CNKSR2: variants seen among roughly 807,000 people sequenced by gnomAD.
CNKSR2 encodes connector enhancer of kinase suppressor of Ras 2.
Under a neutral mutation model 84.4 loss-of-function variants are expected in CNKSR2, and 14 were observed. The observed-to-expected ratio is 0.17, with a 90% confidence interval of 0.11 to 0.26. The LOEUF is 0.26. Among genes scored for constraint, CNKSR2 ranks in the 10% least tolerant of loss-of-function variants. The pLI is 1.00. For missense variants in CNKSR2, 485 were observed against 771.2 expected (o/e 0.63, Z 4.40); for synonymous variants, 275 against 277.9 (o/e 0.99, Z 0.10).
intron 18 of CNKSR2, among the ~76,000 whole-genome samples, chrX:21,602,165 G>T (rs766971252): frequency 5.5e-5 from 6 of 109,938 alleles, no homozygotes; most frequent in Non-Finnish European, 7.6e-5. Flanking sequence ...TTGAAGTAAC[G>T]TCTCACTCCG....
chrX:21,648,821 GAT>G lies in CNKSR2; in HGVS notation c.2693-9_2693-8del. ...TTTTTTTTTTTTTTTTTTTTTTTTG[GAT>G]GTTGCAGGTGAAAGCAGAGAAGAAA... On this transcript the variant is annotated splice_region_variant and splice_polypyrimidine_tract_variant and intron_variant, in intron 20 of 21. Coordinates refer to ENST00000379510, the MANE Select transcript of CNKSR2 (RefSeq NM_014927.5). The G allele has an allele frequency of 4.1e-6, 2 of 489,801 alleles. No homozygotes were observed. Among genetic ancestry groups the G allele is most frequent in the Non-Finnish European group, 2.7e-6 (1 of 376,099 alleles). The allele number at this position is 489,801 out of a possible 1,213,427, so 40.4% of individuals were successfully genotyped here. A position where few individuals can be genotyped will look rare whatever the true frequency, so the allele number is the denominator to read the frequency against.
intron 20 of CNKSR2, among the ~76,000 whole-genome samples, chrX:21,617,949 T>C (rs1199694382): frequency 1.2e-5 from 1 of 82,859 alleles, no homozygotes. Flanking sequence ...ACATCAGAAG[T>C]TCTCTTGCCT....
chrX:21,652,091 C>G (rs1202742495), intron 21 of CNKSR2, among the ~76,000 whole-genome samples: 1 of 111,413 alleles, frequency 9.0e-6, no homozygotes, highest in Non-Finnish European at 1.9e-5. Context: ...AAAGGACAGG[C>G]AAAGAGAAAA....
At chrX:21,456,589 T>G (rs1053280130) in intron 4 of CNKSR2, among the ~76,000 whole-genome samples, 1 of 111,980 alleles carries the variant, frequency 8.9e-6, no homozygotes, top group Admixed American at 9.5e-5. Flanking sequence ...TGTGTGTATG[T>G]GTGTATCACA....
rs1177611894 is a variant in CNKSR2, at chrX:21,532,056, C to T, written c.1292C>T (p.Thr431Ile). The T allele has an allele frequency of 4.2e-6, 5 of 1,181,848 alleles. No individual in the cohort carries two copies. The highest frequency in any genetic ancestry group is 5.7e-6 in the Non-Finnish European group (5 of 872,031). Reference sequence around the variant, plus strand: ...AGTAGTCAAGGAAGACGAGAAAGCACCCCAACTTATGGTAAGAGTTCTTCT... The same window carrying T: ...AGTAGTCAAGGAAGACGAGAAAGCATCCCAACTTATGGTAAGAGTTCTTCT... ...RSSSQGRRES[T>I]PTYGKLRPIS... Residue 431 changes from threonine (T) to isoleucine (I), a missense_variant, in exon 11 of 22, where the codon ACC (threonine) becomes ATC (isoleucine). Coordinates refer to ENST00000379510, the MANE Select transcript of CNKSR2 (RefSeq NM_014927.5).
In CNKSR2 at chrX:21,440,685, C is replaced by T; in HGVS notation, c.432-9C>T. 2 of 1,126,969 alleles carry T rather than the reference C, an allele frequency of 1.8e-6. No homozygotes were observed. Among genetic ancestry groups the T allele is most frequent in the East Asian group, 6.3e-5 (2 of 31,900 alleles). 92.9% of individuals were successfully genotyped at this position (1,126,969 alleles called of 1,213,427 possible). The stretch of plus-strand genomic sequence containing the variant: ...ACTAGTAATCACAATTTTCCTTTTC[C>T]CTTTATAGGTCACCATTTGCTGCTG... On this transcript the variant is annotated splice_polypyrimidine_tract_variant and intron_variant, in intron 3 of 21. Coordinates refer to ENST00000379510, the MANE Select transcript of CNKSR2 (RefSeq NM_014927.5).
intron 1 of CNKSR2, among the ~76,000 whole-genome samples, chrX:21,377,376 G>T (rs931976672): frequency 3.6e-5 from 4 of 111,736 alleles, no homozygotes; most frequent in Non-Finnish European, 7.5e-5. Flanking sequence ...TTAAACAAAG[G>T]ACATTTTAAA....
chrX:21,501,107 AT>A (rs2147065587), intron 7 of CNKSR2, among the ~76,000 whole-genome samples: 1 of 111,237 alleles, frequency 9.0e-6, no homozygotes, highest in African/African-American at 3.2e-5. Flanking sequence ...AAAAGATATA[AT>A]TTTTTGAAAT....
chrX:21,490,366 A>T, intron 5 of CNKSR2, 93 bp from the exon 6 acceptor site: 1 of 899,482 alleles, frequency 1.1e-6, no homozygotes, highest in South Asian at 2.8e-5. Context: ...TCTACTGTTT[A>T]TTTTTCCTTA....
Position 21,644,665 on chromosome X carries a change from T to A in CNKSR2, c.2693-4166T>A, listed in dbSNP as rs183489233. 1.7e-3 allele frequency: 188 copies of A among 111,473 alleles called. 1 individual carries two copies. The highest frequency in any genetic ancestry group is 5.9e-3 in the African/African-American group (183 of 30,774). The allele number at this position is 111,473 out of a possible 1,213,427, so 9.2% of individuals were successfully genotyped here. A position where few individuals can be genotyped will look rare whatever the true frequency, so the allele number is the denominator to read the frequency against. On this transcript the variant is annotated intron_variant, in intron 20 of 21. Transcript: ENST00000379510. The stretch of plus-strand genomic sequence containing the variant: ...AAATGCAAATATGAGTGGGACAAAT[T>A]CTACTCGTGGAAAAGTCACAGTCTA...
intron 4 of CNKSR2, among the ~76,000 whole-genome samples, chrX:21,453,405 G>GCCCGCCTCGGCCTCCCAAAGTGCTGAGA (rs2090960157): frequency 8.9e-6 from 1 of 111,762 alleles, no homozygotes; most frequent in Non-Finnish European, 1.9e-5. Context: ...AATTAAAGTG[G>GCCCGCCTCGGCCTCCCAAAGTGCTGAGA]TTCAGAAGTT....
intron 11 of CNKSR2, 74 bp downstream of exon 11, chrX:21,532,141 T>C: frequency 1.2e-6 from 1 of 815,694 alleles, no homozygotes; most frequent in Non-Finnish European, 1.7e-6. Flanking sequence ...TTAATAAGTT[T>C]TTGGGTTGTG....
intron 1 of CNKSR2, among the ~76,000 whole-genome samples, chrX:21,413,963 G>GA (rs1037576925): frequency 3.6e-4 from 38 of 107,013 alleles, no homozygotes; most frequent in East Asian, 1.2e-3. Context: ...CACAGAAATA[G>GA]AAAAAAAAAA....
chrX:21,507,228 C>A (rs2091622248), intron 8 of CNKSR2, among the ~76,000 whole-genome samples: 1 of 110,975 alleles, frequency 9.0e-6, no homozygotes, highest in African/African-American at 3.3e-5. Flanking sequence ...TAGGTTTCAT[C>A]CACTAAATTA....
intron 13 of CNKSR2, among the ~76,000 whole-genome samples, chrX:21,571,519 G>A (rs1226802008): frequency 8.9e-6 from 1 of 111,862 alleles, no homozygotes; most frequent in Non-Finnish European, 1.9e-5. Context: ...GTATCTCTTG[G>A]AATCTTCAAA....
At chrX:21,471,455 C>T (rs2091197498) in intron 5 of CNKSR2, among the ~76,000 whole-genome samples, 1 of 111,967 alleles carries the variant, frequency 8.9e-6, no homozygotes, top group South Asian at 3.7e-4. Flanking sequence ...GAAATCATGT[C>T]ATTTCTGCAT....
intron 13 of CNKSR2, among the ~76,000 whole-genome samples, chrX:21,568,053 C>T (rs1052889873): frequency 1.8e-5 from 2 of 111,434 alleles, no homozygotes; most frequent in Non-Finnish European, 3.8e-5. Flanking sequence ...TTTGGGAGGC[C>T]AAGGCGGGTG....
intron 5 of CNKSR2, among the ~76,000 whole-genome samples, chrX:21,472,573 T>C (rs1158777306): frequency 8.9e-6 from 1 of 112,114 alleles, no homozygotes; most frequent in African/African-American, 3.2e-5. Context: ...TTTTTCTCAA[T>C]TTATGTATGG....
chrX:21,418,230 T>C (rs1261583253), intron 1 of CNKSR2, among the ~76,000 whole-genome samples: 1 of 112,075 alleles, frequency 8.9e-6, no homozygotes, highest in Admixed American at 9.4e-5. Flanking sequence ...ATTTAGATCT[T>C]ATTGTACTGT....
Sources: allele counts gnomAD v4.1 joint callset (sites outside exome capture counted in the v4.1 genomes callset), GRCh38; gene constraint gnomAD v4.1.1; transcripts MANE v1.5; gene names NCBI Gene and HGNC (gene_info 2026-07-23, HGNC 2026-07-21).